Variants in GRB10 observed in about 807,000 individuals in gnomAD.
GRB10 encodes growth factor receptor bound protein 10, also known as growth factor receptor-bound protein 10.
GRB10 carries 20 observed loss-of-function variants against 80.9 expected under a neutral mutation model. That is an observed-to-expected ratio of 0.25 (90% CI 0.17 to 0.36). The LOEUF (loss-of-function observed/expected upper bound fraction) is 0.36, where lower values mean the gene tolerates loss of function less well. GRB10 is among the 10% of genes least tolerant of loss of function. GRB10 has a pLI of 1.00. For missense variants in GRB10, 548 were observed against 747.7 expected (o/e 0.73, Z 3.12); for synonymous variants, 291 against 291.5 (o/e 1.00, Z 0.02).
At chr7:50,597,200 A>G (rs1439925109) in intron 17 of GRB10, among the ~76,000 whole-genome samples, 1 of 152,250 alleles carries the variant, frequency 6.6e-6, no homozygotes, top group Non-Finnish European at 1.5e-5. Context: ...TTACCTATGT[A>G]GAAACCTCCC....
At chr7:50,594,736 ACT>A (rs1394838896) in intron 18 of GRB10, among the ~76,000 whole-genome samples, 3 of 152,230 alleles carry the variant, frequency 2.0e-5, no homozygotes, top group African/African-American at 7.2e-5. Context: ...CTAGAATTGA[ACT>A]GTGGCATACT....
intron 5 of GRB10, among the ~76,000 whole-genome samples, chr7:50,683,662 G>A (rs567147737): frequency 1.2e-4 from 18 of 152,060 alleles, no homozygotes; most frequent in African/African-American, 2.2e-4. Context: ...GCTTGAACCC[G>A]GGAGGTGGAC....
rs751124931 is a variant in GRB10, at chr7:50,674,665, A to C, written c.140-7T>G. 1 of 1,612,556 alleles carries C rather than the reference A, an allele frequency of 6.2e-7. No individual in the cohort carries two copies. The highest frequency in any genetic ancestry group is 8.5e-7 in the Non-Finnish European group (1 of 1,179,134). On this transcript the variant is annotated splice_region_variant and splice_polypyrimidine_tract_variant and intron_variant, in intron 5 of 18. Coordinates refer to ENST00000401949, the MANE Select transcript of GRB10 (RefSeq NM_001350814.2). Reference sequence around the variant, plus strand: ...TCCAGGTCCACATCATCCTCTGCACAGAAAAAGGCAAGAGCAAAAAAGAAA... The same window carrying C: ...TCCAGGTCCACATCATCCTCTGCACCGAAAAAGGCAAGAGCAAAAAAGAAA...
chr7:50,768,274 C>T (rs760311761), intron 2 of GRB10, among the ~76,000 whole-genome samples: 1 of 152,134 alleles, frequency 6.6e-6, no homozygotes, highest in Non-Finnish European at 1.5e-5. Flanking sequence ...TTAGAAAAAT[C>T]GATGCAGGAA....
intron 4 of GRB10, chr7:50,725,911 A>G (rs1425853594): frequency 6.6e-6 from 1 of 152,160 alleles, no homozygotes; most frequent in Non-Finnish European, 1.5e-5. Flanking sequence ...CCAAGGAAAA[A>G]CCAGACAGTG....
At chr7:50,619,112 G>A in intron 9 of GRB10, 58 bp downstream of exon 9, 3 of 998,186 alleles carry the variant, frequency 3.0e-6, no homozygotes, top group Admixed American at 3.5e-5. Flanking sequence ...TGAAACCCAA[G>A]TATAAACTTC....
At chr7:50,675,102 A>G (rs2060781886) in intron 5 of GRB10, among the ~76,000 whole-genome samples, 1 of 152,240 alleles carries the variant, frequency 6.6e-6, no homozygotes, top group Admixed American at 6.5e-5. Flanking sequence ...AACAAGAGAC[A>G]GAAACAGAGC....
Position 50,780,627 on chromosome 7 carries a change from C to T in GRB10, c.-217G>A, listed in dbSNP as rs1321904613. 6.6e-6 allele frequency: 1 copy of T among 152,142 alleles called. No homozygotes were observed. The highest frequency in any genetic ancestry group is 1.5e-5 in the Non-Finnish European group (1 of 68,028). The allele number at this position is 152,142 out of a possible 1,614,324, so 9.4% of individuals were successfully genotyped here. On this transcript the variant is annotated splice_region_variant and 5_prime_UTR_variant, in exon 2 of 19. Coordinates refer to ENST00000401949, the MANE Select transcript of GRB10 (RefSeq NM_001350814.2). ...AGAGCTGGGGCCTGGGGATACATAC[C>T]GAGAGGCAGTCAGCTCTGATGTAGG... is the stretch of plus-strand genomic sequence containing the variant.
chr7:50,637,386 T>C (rs895331857), intron 7 of GRB10, among the ~76,000 whole-genome samples: 1 of 152,090 alleles, frequency 6.6e-6, no homozygotes, highest in Non-Finnish European at 1.5e-5. Flanking sequence ...TATACAACAA[T>C]AATATTCAAG....
chr7:50,662,210 C>A (rs982177823), intron 7 of GRB10, among the ~76,000 whole-genome samples: 1 of 151,982 alleles, frequency 6.6e-6, no homozygotes, highest in Non-Finnish European at 1.5e-5. Flanking sequence ...GCAGGAGGGG[C>A]AGCTTCCTGG....
intron 2 of GRB10, among the ~76,000 whole-genome samples, chr7:50,763,078 A>G (rs1035702189): frequency 2.6e-5 from 4 of 151,678 alleles, no homozygotes; most frequent in African/African-American, 9.7e-5. Flanking sequence ...AGATCGTGCC[A>G]CTGCACTCCA....
At chr7:50,769,789 T>C (rs1352112827) in intron 2 of GRB10, among the ~76,000 whole-genome samples, 1 of 151,412 alleles carries the variant, frequency 6.6e-6, no homozygotes, top group Non-Finnish European at 1.5e-5. Context: ...CCTCAGCTCC[T>C]TTACATGTCA....
intron 5 of GRB10, among the ~76,000 whole-genome samples, chr7:50,679,060 T>C (rs745920879): frequency 8.9e-4 from 136 of 152,354 alleles, no homozygotes; most frequent in Non-Finnish European, 1.5e-3. Flanking sequence ...TTTATAAGAA[T>C]GTATTTTCTG....
chr7:50,724,098 G>A (rs919550267), intron 4 of GRB10, among the ~76,000 whole-genome samples: 4 of 152,180 alleles, frequency 2.6e-5, no homozygotes, highest in African/African-American at 4.8e-5. Flanking sequence ...TTCCAGCAGC[G>A]CCTGAGGAAA....
At chr7:50,680,592 A>G (rs1019775614) in intron 5 of GRB10, among the ~76,000 whole-genome samples, 5 of 152,182 alleles carry the variant, frequency 3.3e-5, no homozygotes, top group African/African-American at 1.2e-4. Flanking sequence ...GACTCCCAGG[A>G]CCCACAGGCC....
intron 8 of GRB10, among the ~76,000 whole-genome samples, chr7:50,625,210 T>C (rs1186781043): frequency 1.3e-5 from 2 of 152,188 alleles, no homozygotes; most frequent in South Asian, 2.1e-4. Flanking sequence ...TATGTATGTA[T>C]ATCTGTACCC....
chr7:50,721,983 G>T (rs888354619), intron 4 of GRB10, among the ~76,000 whole-genome samples: 8 of 152,214 alleles, frequency 5.3e-5, no homozygotes, highest in African/African-American at 1.7e-4. Flanking sequence ...GAGCAGTTCA[G>T]TATTACTGGT....
At chr7:50,604,760 C>T (rs2048230942) in intron 15 of GRB10, 1 of 348,132 alleles carries the variant, frequency 2.9e-6, no homozygotes, top group African/African-American at 2.1e-5. Context: ...TTTTTCCCAT[C>T]CCCTGAGGCT....
chr7:50,747,794 A>C (rs2073249350), intron 3 of GRB10: 1 of 152,366 alleles, frequency 6.6e-6, no homozygotes, highest in African/African-American at 2.4e-5. Flanking sequence ...GGACACGTGA[A>C]AGAAAAGCGG....
Sources: allele counts gnomAD v4.1 joint callset (sites outside exome capture counted in the v4.1 genomes callset), GRCh38; gene constraint gnomAD v4.1.1; transcripts MANE v1.5; gene names NCBI Gene and HGNC (gene_info 2026-07-23, HGNC 2026-07-21).